REC114: variants seen among roughly 807,000 people sequenced by gnomAD.
The protein encoded by REC114 is meiotic recombination protein REC114.
In REC114, 27 loss-of-function variants were observed where a neutral mutation model predicts 31.3. The ratio of observed to expected loss-of-function variants is 0.86; its 90% CI spans 0.64 to 1.19. The LOEUF (loss-of-function observed/expected upper bound fraction) is 1.19. Among genes scored for constraint, REC114 ranks in the 50% most tolerant of loss-of-function variants. The pLI is 0.00. For synonymous variants in REC114, 134 were observed against 127.7 expected, an observed-to-expected ratio of 1.05 and a Z score of -0.33; for missense variants, 344 against 326.9, an observed-to-expected ratio of 1.05 and a Z score of -0.40.
At chr15:73,477,990 G>A (rs1893237389) in intron 2 of REC114, among the ~76,000 whole-genome samples, 1 of 151,930 alleles carries the variant, frequency 6.6e-6, no homozygotes, top group Admixed American at 6.6e-5. Flanking sequence ...TTGGCCGGGC[G>A]TGGTGGCTCA....
chr15:73,551,263 A>G, intron 4 of REC114, 113 bp downstream of exon 4: 1 of 1,072,450 alleles, frequency 9.3e-7, no homozygotes, highest in Non-Finnish European at 1.4e-6. Context: ...TTTAAAAAAC[A>G]TCTATGTTCG....
At chr15:73,466,102 C>T (rs541486007) in intron 1 of REC114, among the ~76,000 whole-genome samples, 2 of 151,894 alleles carry the variant, frequency 1.3e-5, no homozygotes, top group Non-Finnish European at 2.9e-5. Flanking sequence ...CTGCCCACCT[C>T]GGCCTCCCAA....
chr15:73,519,734 A>T (rs1025755557), intron 2 of REC114, among the ~76,000 whole-genome samples: 2 of 152,272 alleles, frequency 1.3e-5, no homozygotes, highest in African/African-American at 4.8e-5. Context: ...TCAAGTGTCC[A>T]TCAGTGGGTG....
chr15:73,450,727 A>T (rs568421657), intron 1 of REC114, among the ~76,000 whole-genome samples: 1 of 152,320 alleles, frequency 6.6e-6, no homozygotes, highest in African/African-American at 2.4e-5. Context: ...TTGACCACAT[A>T]ATTGGAAGTA....
chr15:73,473,975 T>C (rs1221422274), intron 2 of REC114, 54 bp downstream of exon 2: 13 of 1,171,448 alleles, frequency 1.1e-5, no homozygotes, highest in Non-Finnish European at 1.6e-5. Flanking sequence ...TCTTCTTAGC[T>C]TTACATGAAT....
At position 73,556,361 on chromosome 15, in the gene REC114, C is replaced by T. The variant is rs201063024; in HGVS notation, c.606C>T (p.Asp202=). The T allele has an allele frequency of 4.2e-4, 678 of 1,613,726 alleles. No homozygotes were observed. The highest frequency in any genetic ancestry group is 7.5e-4 in the African/African-American group (56 of 75,016). Residue 202 remains aspartate, a synonymous_variant, in exon 5 of 6, where the codon GAC becomes GAT. Transcript: ENST00000331090. ...TAACAGCGGGCACAGGCGCTCCAGA[C>T]GGAAGGACCTCACTGACGCAGTTAG... is the stretch of plus-strand genomic sequence containing the variant. The part of the protein sequence containing the change: ...VCVTAGTGAP[D]GRTSLTQLAQ...
At chr15:73,477,204 T>G (rs1425421273) in intron 2 of REC114, among the ~76,000 whole-genome samples, 1 of 152,242 alleles carries the variant, frequency 6.6e-6, no homozygotes, top group Non-Finnish European at 1.5e-5. Context: ...GTTGTTTGCC[T>G]TCTTATATTC....
chr15:73,552,488 A>T (rs1162468861), intron 4 of REC114, among the ~76,000 whole-genome samples: 1 of 152,350 alleles, frequency 6.6e-6, no homozygotes, highest in East Asian at 1.9e-4. Flanking sequence ...GAACATTTTT[A>T]AATTCCGTGT....
intron 2 of REC114, among the ~76,000 whole-genome samples, chr15:73,478,562 T>C (rs1196514502): frequency 6.6e-6 from 1 of 152,192 alleles, no homozygotes. Context: ...TTGACTATTA[T>C]AGGTCATTTG....
At chr15:73,538,491 C>G (rs867446492) in intron 2 of REC114, among the ~76,000 whole-genome samples, 1 of 127,638 alleles carries the variant, frequency 7.8e-6, no homozygotes, top group Non-Finnish European at 1.6e-5. Context: ...GAGGCTTGCT[C>G]TTTCGCCCAG....
intron 2 of REC114, among the ~76,000 whole-genome samples, chr15:73,489,467 A>G (rs1285246640): frequency 6.6e-6 from 1 of 151,684 alleles, no homozygotes; most frequent in South Asian, 2.1e-4. Flanking sequence ...CAGCTTCCCA[A>G]ACTGTTGGGA....
At chr15:73,488,626 C>T (rs1893404995) in intron 2 of REC114, among the ~76,000 whole-genome samples, 1 of 152,172 alleles carries the variant, frequency 6.6e-6, no homozygotes, top group Non-Finnish European at 1.5e-5. Flanking sequence ...ACAAGAATGG[C>T]CTTTCCTCCA....
chr15:73,453,457 A>T (rs1892878573), intron 1 of REC114, among the ~76,000 whole-genome samples: 1 of 152,220 alleles, frequency 6.6e-6, no homozygotes, highest in Non-Finnish European at 1.5e-5. Flanking sequence ...ATCATTAAAA[A>T]GTCAGGAAAC....
intron 1 of REC114, among the ~76,000 whole-genome samples, chr15:73,459,859 A>C (rs1226541768): frequency 6.6e-6 from 1 of 152,202 alleles, no homozygotes; most frequent in African/African-American, 2.4e-5. Context: ...GTGTGAAGAC[A>C]GGTAGAATAA....
chr15:73,526,950 C>G (rs1405318152), intron 2 of REC114, among the ~76,000 whole-genome samples: 1 of 151,968 alleles, frequency 6.6e-6, no homozygotes, highest in Non-Finnish European at 1.5e-5. Context: ...AGCTTTTACT[C>G]TAAGGCTGAT....
At chr15:73,558,555 T>C (rs540103752) in intron 5 of REC114, among the ~76,000 whole-genome samples, 1 of 152,358 alleles carries the variant, frequency 6.6e-6, no homozygotes, top group African/African-American at 2.4e-5. Flanking sequence ...TGTGAAAAGA[T>C]GCTCAACATT....
At chr15:73,559,025 TG>T (rs1324658455) in intron 5 of REC114, among the ~76,000 whole-genome samples, 2 of 152,260 alleles carry the variant, frequency 1.3e-5, no homozygotes, top group Admixed American at 1.3e-4. Flanking sequence ...GTATTCATTA[TG>T]CTAAGTGTAA....
At chr15:73,494,844 G>A (rs904945033) in intron 2 of REC114, among the ~76,000 whole-genome samples, 2 of 152,202 alleles carry the variant, frequency 1.3e-5, no homozygotes, top group Admixed American at 6.5e-5. Flanking sequence ...GTTATACTAA[G>A]TGTTTAATGG....
chr15:73,500,315 C>T (rs1029976376), intron 2 of REC114, among the ~76,000 whole-genome samples: 2 of 149,202 alleles, frequency 1.3e-5, no homozygotes, highest in African/African-American at 4.9e-5. Context: ...TCTTCATCCC[C>T]ACTTGCTGTC....
Sources: gnomAD v4.1 joint callset for allele counts (sites outside exome capture counted in the v4.1 genomes callset) on GRCh38, gnomAD v4.1.1 for gene constraint, MANE v1.5 for transcripts, NCBI Gene and HGNC (gene_info 2026-07-23, HGNC 2026-07-21) for gene names.